AZIN2: variants seen among roughly 807,000 people sequenced by gnomAD.
AZIN2 encodes ODC antizyme inhibitor-2.
AZIN2 carries 28 observed loss-of-function variants against 47.8 expected under a neutral mutation model. The observed-to-expected ratio is 0.59, with a 90% confidence interval of 0.43 to 0.80. AZIN2 has a LOEUF of 0.80. Ranked by LOEUF, AZIN2 falls within the 30% of genes least tolerant of loss-of-function variation. The probability of loss-of-function intolerance (pLI) is 0.00; values close to 1 mark genes in which losing one functional copy is unlikely to be tolerated. For missense variants in AZIN2, 535 were observed against 582.5 expected (o/e 0.92, Z 0.84); for synonymous variants, 221 against 239.4 (o/e 0.92, Z 0.71).
At chr1:33,147,652 G>A in the AZIN2 span, 1 of 1,613,958 alleles carries the variant, frequency 6.2e-7, no homozygotes. This position sits in a 1 kb window ranked among gnomAD's most constrained non-coding sequence, Gnocchi z 8.1. Context: ...GTTGCCGTAA[G>A]CCACAATGGT....
chr1:33,093,556 T>A, intron 7 of AZIN2, 140 bp downstream of exon 7: 1 of 1,197,106 alleles, frequency 8.4e-7, no homozygotes, highest in African/African-American at 1.6e-5. Flanking sequence ...ATTTGAGAAT[T>A]TCCTCTGTTT....
At chr1:33,159,436 A>G in the AZIN2 span, among the ~76,000 whole-genome samples, 1 of 152,200 alleles carries the variant, frequency 6.6e-6, no homozygotes, top group Non-Finnish European at 1.5e-5. The surrounding 1 kb of genome is among the most constrained non-coding windows in gnomAD (Gnocchi z 4.2). Flanking sequence ...CAGCAGGGTC[A>G]AAGTGGCTGC....
intron 5 of AZIN2, among the ~76,000 whole-genome samples, chr1:33,085,817 TG>T (rs1641827846): frequency 6.6e-6 from 1 of 152,148 alleles, no homozygotes; most frequent in African/African-American, 2.4e-5. Context: ...AGGCACACAG[TG>T]GGAGAGACTG....
At chr1:33,162,176 C>T in the AZIN2 span, among the ~76,000 whole-genome samples, 1 of 152,188 alleles carries the variant, frequency 6.6e-6, no homozygotes, top group South Asian at 2.1e-4. Flanking sequence ...AGTTTAGGAA[C>T]CTTCTTTAGC....
Position 33,081,345 on chromosome 1 carries a change from C to G in AZIN2, c.-405-43C>G, listed in dbSNP as rs1641224977. The G allele has an allele frequency of 6.5e-6, 1 of 153,528 alleles. No individual in the cohort carries two copies. The highest frequency in any genetic ancestry group is 1.9e-4 in the East Asian group (1 of 5,218). The allele number at this position is 153,528 out of a possible 1,614,324, so 9.5% of individuals were successfully genotyped here. A position where few individuals can be genotyped will look rare whatever the true frequency, so the allele number is the denominator to read the frequency against. On this transcript the variant is annotated intron_variant, in intron 1 of 11. Transcript: ENST00000294517. This position sits in a 1 kb window ranked among gnomAD's most constrained non-coding sequence, Gnocchi z 4.2. ...GCCTCGGGGAGCGGACGCCCTCCGC[C>G]CTGGTGCTGACCTGCCTCCCTGCCC...
At chr1:33,083,733 C>T in intron 4 of AZIN2, 1 of 579,504 alleles carries the variant, frequency 1.7e-6, no homozygotes, top group South Asian at 2.0e-5. Flanking sequence ...GGAGTTTTAG[C>T]CGCATTGAGG....
At chr1:33,142,838 A>C in the AZIN2 span, 1 of 152,132 alleles carries the variant, frequency 6.6e-6, no homozygotes, top group Non-Finnish European at 1.5e-5. Context: ...TTTGATTTCC[A>C]GCTCTGCCGA....
At position 33,123,041 on chromosome 1, in the gene AZIN2, G is replaced by C. The variant is rs1644823992; in HGVS notation, c.*2859G>C. Among the ~76,000 whole-genome samples, 1 of 152,088 alleles carries C rather than the reference G, an allele frequency of 6.6e-6. No homozygotes were observed. Among genetic ancestry groups the C allele is most frequent in the Non-Finnish European group, 1.5e-5 (1 of 68,010 alleles). On this transcript the variant is annotated 3_prime_UTR_variant, in exon 12 of 12. Transcript: ENST00000294517. ...CACGCACTGGGTCCTGGCCACACTGGCCTCCCCTCTGTTCTTCAAACACTC... is the reference window on the plus strand; with the variant it reads ...CACGCACTGGGTCCTGGCCACACTGCCCTCCCCTCTGTTCTTCAAACACTC...
At chr1:33,151,559 C>T in the AZIN2 span, among the ~76,000 whole-genome samples, 2 of 152,142 alleles carry the variant, frequency 1.3e-5, no homozygotes, top group South Asian at 2.1e-4. Context: ...TCAGTTCCTC[C>T]ATCTGTCCCT....
the AZIN2 span, chr1:33,147,281 G>A: frequency 1.5e-5 from 25 of 1,613,990 alleles, no homozygotes; most frequent in South Asian, 4.4e-5. This position sits in a 1 kb window ranked among gnomAD's most constrained non-coding sequence, Gnocchi z 8.1. Context: ...AACTTCTCGC[G>A]GAAGGTGTAG....
chr1:33,141,502 T>G, the AZIN2 span, among the ~76,000 whole-genome samples: 1 of 152,088 alleles, frequency 6.6e-6, no homozygotes, highest in African/African-American at 2.4e-5. Flanking sequence ...AGCATTCAGA[T>G]TCGATCACAT....
intron 10 of AZIN2, among the ~76,000 whole-genome samples, chr1:33,105,021 TAAGAATAAGCA>T (rs1643928335): frequency 6.6e-6 from 1 of 152,218 alleles, no homozygotes; most frequent in African/African-American, 2.4e-5. Context: ...CTAGTCTTGC[TAAGAATAAGCA>T]AGACGTTTCG....
the AZIN2 span, chr1:33,146,875 C>G: frequency 2.4e-6 from 1 of 412,562 alleles, no homozygotes; most frequent in Non-Finnish European, 4.5e-6. Flanking sequence ...AAGGTAGTCC[C>G]CTGCCCCTGA....
the AZIN2 span, among the ~76,000 whole-genome samples, chr1:33,154,585 G>A: frequency 6.6e-6 from 1 of 152,054 alleles, no homozygotes; most frequent in Middle Eastern, 3.4e-3. Flanking sequence ...GGATCACGAG[G>A]TCAGGAGTTC....
chr1:33,156,532 T>C, the AZIN2 span, among the ~76,000 whole-genome samples: 2 of 152,186 alleles, frequency 1.3e-5, no homozygotes, highest in South Asian at 4.1e-4. Context: ...CTCTGACTGC[T>C]CCTTCTCGGT....
chr1:33,104,045 G>T (rs1643884694), intron 10 of AZIN2, among the ~76,000 whole-genome samples: 1 of 151,956 alleles, frequency 6.6e-6, no homozygotes, highest in Non-Finnish European at 1.5e-5. Context: ...ACTATGCCTG[G>T]CTAATTTCTG....
In AZIN2 at chr1:33,121,622, G is replaced by T. The variant is rs1481803516; in HGVS notation, c.*1440G>T. ...TAAAGTGGAGAAGTTAGTGGTTTCT[G>T]GTGTATTCAGAGTTGTGTAACCATC... On this transcript the variant is annotated 3_prime_UTR_variant, in exon 12 of 12. Coordinates refer to ENST00000294517, the MANE Select transcript of AZIN2 (RefSeq NM_052998.4). 6.6e-6 allele frequency among the ~76,000 whole-genome samples: 1 copy of T among 152,116 alleles called. No individual in the cohort carries two copies. The highest frequency in any genetic ancestry group is 1.5e-5 in the Non-Finnish European group (1 of 68,014).
In AZIN2 at chr1:33,083,891, G is replaced by A. The variant is rs41265887; in HGVS notation, c.106-63G>A. On this transcript the variant is annotated intron_variant, in intron 4 of 11. Coordinates refer to ENST00000294517, the MANE Select transcript of AZIN2 (RefSeq NM_052998.4). ...TGGGTCAGGTACTTGGAAGGATCAC[G>A]GATGGCATGCACAGGGTGCGAGCTG... is the stretch of plus-strand genomic sequence containing the variant. 5.7e-5 allele frequency: 91 copies of A among 1,592,106 alleles called. No individual in the cohort carries two copies. The Middle Eastern group carries it at 6.7e-4, about 12-fold the overall frequency.
the AZIN2 span, among the ~76,000 whole-genome samples, chr1:33,155,132 C>T: frequency 1.0e-4 from 15 of 146,546 alleles, no homozygotes; most frequent in African/African-American, 1.7e-4. Context: ...AGTGCAGTGG[C>T]GCGATCTCGG....
Sources: gnomAD v4.1 joint callset for allele counts (sites outside exome capture counted in the v4.1 genomes callset) on GRCh38, gnomAD v4.1.1 for gene constraint, Gnocchi (gnomAD v3.1) non-coding constraint, MANE v1.5 for transcripts, NCBI Gene and HGNC (gene_info 2026-07-23, HGNC 2026-07-21) for gene names.